Variants in ALDH1A2 observed in about 807,000 individuals in gnomAD.
The protein encoded by ALDH1A2 is aldehyde dehydrogenase 1 family member A2.
In ALDH1A2, 27 loss-of-function variants were observed where a neutral mutation model predicts 60.3. That is an observed-to-expected ratio of 0.45 (90% confidence interval 0.33 to 0.62). The LOEUF (loss-of-function observed/expected upper bound fraction) is 0.62, where lower values mean the gene tolerates loss of function less well. Among genes scored for constraint, ALDH1A2 ranks in the 20% least tolerant of loss-of-function variants. The probability of loss-of-function intolerance (pLI) is 0.02; values close to 1 mark genes in which losing one functional copy is unlikely to be tolerated. For missense variants in ALDH1A2, 581 were observed against 643.8 expected, an observed-to-expected ratio of 0.90 and a Z score of 1.06; for synonymous variants, 289 against 232.4, an observed-to-expected ratio of 1.24 and a Z score of -2.21.
intron 1 of ALDH1A2, among the ~76,000 whole-genome samples, chr15:58,029,346 T>G (rs979755110): frequency 6.6e-6 from 1 of 152,046 alleles, no homozygotes; most frequent in Non-Finnish European, 1.5e-5. Flanking sequence ...TTGAAACCAA[T>G]GAGAACAAAG....
chr15:58,002,417 A>C (rs144861178), intron 4 of ALDH1A2, among the ~76,000 whole-genome samples: 1 of 152,092 alleles, frequency 6.6e-6, no homozygotes, highest in African/African-American at 2.4e-5. Context: ...TGGATAATTC[A>C]TTCAAGGCAA....
chr15:57,985,200 C>T (rs561588055), intron 7 of ALDH1A2, among the ~76,000 whole-genome samples: 1 of 152,136 alleles, frequency 6.6e-6, no homozygotes, highest in Non-Finnish European at 1.5e-5. Context: ...AACGTTTCTC[C>T]CCAGTCCCTT....
rs917067855 is a variant in ALDH1A2 at position 58,033,922 on chromosome 15, C to G, written c.118-19641G>C. Among the ~76,000 whole-genome samples the G allele has an allele frequency of 2.7e-5, 4 of 150,704 alleles. No individual in the cohort carries two copies. The East Asian group carries it at 7.8e-4, about 29-fold the overall frequency. On this transcript the variant is annotated intron_variant, in intron 1 of 12. Transcript: ENST00000249750. ...AGTAACTCTTCAAATTGGATAGTATCAGTCCTCCTCTTTTGTTCTTTTCCT... is the reference window on the plus strand; with the variant it reads ...AGTAACTCTTCAAATTGGATAGTATGAGTCCTCCTCTTTTGTTCTTTTCCT...
intron 8 of ALDH1A2, chr15:57,964,376 C>T (rs1307118188): frequency 1.0e-5 from 3 of 294,342 alleles, no homozygotes; most frequent in Non-Finnish European, 1.9e-5. Flanking sequence ...AGGTATGAGT[C>T]TGCCAGGTGG....
intron 12 of ALDH1A2, among the ~76,000 whole-genome samples, chr15:57,956,090 C>G (rs1893515494): frequency 6.6e-6 from 1 of 152,144 alleles, no homozygotes; most frequent in Non-Finnish European, 1.5e-5. Flanking sequence ...TTGAATATCT[C>G]TGTCTTCCCT....
intron 7 of ALDH1A2, among the ~76,000 whole-genome samples, chr15:57,985,813 T>C (rs1894680976): frequency 1.3e-5 from 2 of 152,136 alleles, no homozygotes; most frequent in Admixed American, 1.3e-4. Flanking sequence ...CTTTTGAAAG[T>C]AAAACTTATA....
intron 7 of ALDH1A2, among the ~76,000 whole-genome samples, chr15:57,967,605 T>G (rs1202587878): frequency 1.3e-5 from 2 of 152,148 alleles, no homozygotes; most frequent in African/African-American, 4.8e-5. Flanking sequence ...CTAAAAAAGA[T>G]TTTGAAAATG....
intron 7 of ALDH1A2, among the ~76,000 whole-genome samples, chr15:57,991,780 C>T (rs182368150): frequency 1.4e-4 from 22 of 152,240 alleles, no homozygotes; most frequent in Non-Finnish European, 2.8e-4. Flanking sequence ...AAATGTTGCT[C>T]TCATTCTATT....
chr15:57,965,029 T>A lies in ALDH1A2; in HGVS notation c.901+696A>T, dbSNP rs35907511. Among the ~76,000 whole-genome samples the A allele has an allele frequency of 1.1e-3, 173 of 151,600 alleles. 1 individual carries two copies. Among genetic ancestry groups the A allele is most frequent in the African/African-American group, 4.0e-3 (164 of 41,294 alleles). On this transcript the variant is annotated intron_variant, in intron 8 of 12. Transcript: ENST00000249750. Reference sequence around the variant, plus strand: ...AAGTGGAGGGAAAAAAAAAAAAGAATCACTGAATGAGATGGTGGGATTTCC... The same window carrying A: ...AAGTGGAGGGAAAAAAAAAAAAGAAACACTGAATGAGATGGTGGGATTTCC...
intron 7 of ALDH1A2, among the ~76,000 whole-genome samples, chr15:57,969,332 G>A (rs918106480): frequency 6.6e-6 from 1 of 152,036 alleles, no homozygotes; most frequent in Non-Finnish European, 1.5e-5. Context: ...AAAAAATCTG[G>A]GTCTCATTTA....
At chr15:57,996,346 C>T (rs1895061056) in intron 4 of ALDH1A2, among the ~76,000 whole-genome samples, 1 of 151,568 alleles carries the variant, frequency 6.6e-6, no homozygotes, top group Non-Finnish European at 1.5e-5. Context: ...ACTCTCTATC[C>T]TCTGGATCTC....
intron 4 of ALDH1A2, among the ~76,000 whole-genome samples, chr15:58,004,412 C>T (rs769180220): frequency 9.9e-5 from 15 of 151,702 alleles, no homozygotes; most frequent in East Asian, 2.0e-4. Context: ...GCTTCTAGTG[C>T]GCCCATCACC....
chr15:57,999,929 C>G (rs1484268484), intron 4 of ALDH1A2, among the ~76,000 whole-genome samples: 4 of 151,826 alleles, frequency 2.6e-5, no homozygotes, highest in African/African-American at 7.3e-5. Context: ...ATAGATGGAG[C>G]TGGAAGCCAT....
chr15:57,979,265 C>T (rs1256463359), intron 7 of ALDH1A2, among the ~76,000 whole-genome samples: 1 of 152,146 alleles, frequency 6.6e-6, no homozygotes, highest in Non-Finnish European at 1.5e-5. Flanking sequence ...TCTCCACTGT[C>T]CCCACCCCAT....
intron 1 of ALDH1A2, among the ~76,000 whole-genome samples, chr15:58,031,831 C>T (rs549805010): frequency 1.8e-4 from 28 of 152,148 alleles, no homozygotes; most frequent in Middle Eastern, 6.8e-3. Flanking sequence ...GTTAGAATGG[C>T]GATGATTAAA....
intron 1 of ALDH1A2, among the ~76,000 whole-genome samples, chr15:58,045,399 T>C (rs1175930897): frequency 1.3e-5 from 2 of 152,114 alleles, no homozygotes; most frequent in South Asian, 4.1e-4. Flanking sequence ...ACTGGGTATA[T>C]ACCCAAAGGA....
chr15:57,975,685 T>C (rs116549163), intron 7 of ALDH1A2, among the ~76,000 whole-genome samples: 2,082 of 152,222 alleles, frequency 0.014, 57 homozygotes, highest in African/African-American at 0.047. Flanking sequence ...ATGCACGACA[T>C]AGACAGATCT....
chr15:57,964,622 A>T (rs1361292910), intron 8 of ALDH1A2: 1 of 155,228 alleles, frequency 6.4e-6, no homozygotes, highest in African/African-American at 2.4e-5. Flanking sequence ...TATGTTTGGT[A>T]CTTGGGGGAT....
At chr15:58,038,595 C>G (rs1410609705) in intron 1 of ALDH1A2, 1 of 151,770 alleles carries the variant, frequency 6.6e-6, no homozygotes, top group African/African-American at 2.4e-5. Context: ...CTGGTCTGAT[C>G]AGCCTTGACA....
Sources: allele counts gnomAD v4.1 joint callset (sites outside exome capture counted in the v4.1 genomes callset), GRCh38; gene constraint gnomAD v4.1.1; transcripts MANE v1.5; gene names NCBI Gene and HGNC (gene_info 2026-07-23, HGNC 2026-07-21).